The following SUFU variants were observed in gnomAD, a reference collection of about 807,000 sequenced individuals.
The protein encoded by SUFU is suppressor of fused homolog.
Under a neutral mutation model 58.9 loss-of-function variants are expected in SUFU, and 7 were observed. The ratio of observed to expected loss-of-function variants is 0.12; its 90% CI spans 0.07 to 0.22. SUFU has a LOEUF of 0.22. Among genes scored for constraint, SUFU ranks in the 10% least tolerant of loss-of-function variants. SUFU has a pLI of 1.00. For missense variants in SUFU, 451 were observed against 641.3 expected, an observed-to-expected ratio of 0.70 and a Z score of 3.20; for synonymous variants, 232 against 254.8, an observed-to-expected ratio of 0.91 and a Z score of 0.85.
At chr10:102,553,040 C>T (rs1770220399) in intron 3 of SUFU, among the ~76,000 whole-genome samples, 1 of 152,168 alleles carries the variant, frequency 6.6e-6, no homozygotes, top group South Asian at 2.1e-4. Flanking sequence ...AATGTGCCTG[C>T]TGTAGTTTGT....
In SUFU at chr10:102,593,593, G is replaced by A. The variant is rs1464808296; in HGVS notation, c.598-43G>A. 3.1e-6 allele frequency: 5 copies of A among 1,597,014 alleles called. No homozygotes were observed. The Admixed American group carries it at 5.0e-5, about 16-fold the overall frequency. On this transcript the variant is annotated intron_variant, in intron 4 of 11. Transcript: ENST00000369902. Reference sequence around the variant, plus strand: ...GGTAGCTGACCTTCTTGGGGTGGGGGGTGGCCATTAACACACAATGGGCTT... The same window carrying A: ...GGTAGCTGACCTTCTTGGGGTGGGGAGTGGCCATTAACACACAATGGGCTT...
chr10:102,603,309 G>T (rs904577896), intron 8 of SUFU, among the ~76,000 whole-genome samples: 1 of 152,110 alleles, frequency 6.6e-6, no homozygotes, highest in Non-Finnish European at 1.5e-5. Context: ...CTACAGGCAT[G>T]AGCCACCACA....
intron 3 of SUFU, among the ~76,000 whole-genome samples, chr10:102,569,069 A>C (rs1209919935): frequency 6.6e-6 from 1 of 150,552 alleles, no homozygotes; most frequent in Non-Finnish European, 1.5e-5. Context: ...GATAGTTTCC[A>C]GTTTTCCCTA....
intron 2 of SUFU, among the ~76,000 whole-genome samples, chr10:102,520,943 G>C (rs1451344719): frequency 6.6e-6 from 1 of 152,160 alleles, no homozygotes; most frequent in Non-Finnish European, 1.5e-5. Context: ...TTTGTATACA[G>C]GTTTTTGTGT....
chr10:102,503,951 C>CT (rs2062282958), upstream of SUFU: 4 of 676,006 alleles, frequency 5.9e-6, no homozygotes, highest in South Asian at 5.1e-5. Flanking sequence ...AGCGCCCCGC[C>CT]GCCCCGAGGC....
chr10:102,556,315 G>T (rs2062976842), intron 3 of SUFU, among the ~76,000 whole-genome samples: 1 of 152,200 alleles, frequency 6.6e-6, no homozygotes, highest in African/African-American at 2.4e-5. Context: ...GCGCAGAGGT[G>T]GAAGCTGAGC....
intron 2 of SUFU, among the ~76,000 whole-genome samples, chr10:102,539,247 T>C (rs181505981): frequency 6.6e-6 from 1 of 152,288 alleles, no homozygotes; most frequent in East Asian, 1.9e-4. Context: ...TTTTGAAGAG[T>C]ACAGGTCAGT....
chr10:102,562,220 C>A (rs1170685669), intron 3 of SUFU, among the ~76,000 whole-genome samples: 1 of 152,110 alleles, frequency 6.6e-6, no homozygotes, highest in Non-Finnish European at 1.5e-5. Context: ...TGTTGAGGCC[C>A]TTTTTTAAAA....
chr10:102,508,248 A>G (rs181008859), intron 1 of SUFU, among the ~76,000 whole-genome samples: 105 of 152,290 alleles, frequency 6.9e-4, no homozygotes, highest in Middle Eastern at 6.8e-3. Context: ...TGCAGAGATT[A>G]CAGGTGTGAG....
chr10:102,533,784 T>G (rs1357905341), intron 2 of SUFU, among the ~76,000 whole-genome samples: 1 of 152,218 alleles, frequency 6.6e-6, no homozygotes, highest in African/African-American at 2.4e-5. Flanking sequence ...TAATTCACTG[T>G]AAGATCATCC....
intron 3 of SUFU, among the ~76,000 whole-genome samples, chr10:102,572,365 C>T (rs576094552): frequency 2.9e-4 from 44 of 150,668 alleles, no homozygotes; most frequent in African/African-American, 1.0e-3. Flanking sequence ...TGTGAGCCAC[C>T]GTGACCGGCC....
At position 102,619,518 on chromosome 10, in the gene SUFU, A is replaced by G; in HGVS notation, c.1296+2090A>G. ...GTGGTCCACCACGGGGCCGGCTCAC[A>G]GGAGAGCTCCTGGGAAGGCTGGCGG... On this transcript the variant is annotated intron_variant, in intron 10 of 11. Coordinates refer to ENST00000369902, the MANE Select transcript of SUFU (RefSeq NM_016169.4). The surrounding 1 kb of genome is among the most constrained non-coding windows in gnomAD (Gnocchi z 4.2). 1 of 1,113,886 alleles carries G rather than the reference A, an allele frequency of 9.0e-7. No homozygotes were observed. Among genetic ancestry groups the G allele is most frequent in the East Asian group, 4.7e-5 (1 of 21,352 alleles). The allele number at this position is 1,113,886 out of a possible 1,614,324, so 69.0% of individuals were successfully genotyped here. A position where few individuals can be genotyped will look rare whatever the true frequency, so the allele number is the denominator to read the frequency against.
At chr10:102,616,762 T>C (rs754434634) in intron 9 of SUFU, among the ~76,000 whole-genome samples, 11 of 152,216 alleles carry the variant, frequency 7.2e-5, no homozygotes, top group Non-Finnish European at 1.0e-4. Flanking sequence ...AAAGATGTGC[T>C]GTGGCCTTTG....
chr10:102,509,828 C>T (rs1000313138), intron 2 of SUFU, among the ~76,000 whole-genome samples: 2 of 151,880 alleles, frequency 1.3e-5, no homozygotes, highest in African/African-American at 2.4e-5. Flanking sequence ...AGTCTGCTTC[C>T]GTTTGTTGCC....
intron 2 of SUFU, among the ~76,000 whole-genome samples, chr10:102,523,857 A>G (rs909074439): frequency 1.5e-4 from 23 of 152,368 alleles, no homozygotes; most frequent in African/African-American, 5.3e-4. Flanking sequence ...GCCAAAGGCC[A>G]TCACCTTTAA....
chr10:102,573,259 A>G, intron 3 of SUFU: 1 of 658,966 alleles, frequency 1.5e-6, no homozygotes, highest in Non-Finnish European at 2.7e-6. Context: ...AATTAACACA[A>G]AATCATCTAC....
At chr10:102,514,239 TCTC>T (rs777938021) in intron 2 of SUFU, among the ~76,000 whole-genome samples, 68 of 152,180 alleles carry the variant, frequency 4.5e-4, no homozygotes, top group Non-Finnish European at 9.1e-4. Context: ...GATCTTTCCT[TCTC>T]CTCACAGCCT....
At chr10:102,600,988 T>C (rs550968690) in intron 8 of SUFU, among the ~76,000 whole-genome samples, 41 of 152,134 alleles carry the variant, frequency 2.7e-4, no homozygotes, top group Non-Finnish European at 4.3e-4. Context: ...TACCTGTGAG[T>C]CTGGACCCTG....
intron 3 of SUFU, among the ~76,000 whole-genome samples, chr10:102,565,189 G>A (rs1157965027): frequency 6.6e-6 from 1 of 152,224 alleles, no homozygotes; most frequent in Non-Finnish European, 1.5e-5. Flanking sequence ...GTTGTAACAA[G>A]AATGATATGG....
Sources: gnomAD v4.1 joint callset for allele counts (sites outside exome capture counted in the v4.1 genomes callset) on GRCh38, gnomAD v4.1.1 for gene constraint, Gnocchi (gnomAD v3.1) non-coding constraint, MANE v1.5 for transcripts, NCBI Gene and HGNC (gene_info 2026-07-23, HGNC 2026-07-21) for gene names.